ZFP3: variants seen among roughly 807,000 people sequenced by gnomAD.
ZFP3 encodes the protein ZFP3 zinc finger protein, also known as zinc finger protein 3 homolog.
In ZFP3, 18 loss-of-function variants were observed where a neutral mutation model predicts 36.7. The ratio of observed to expected loss-of-function variants is 0.49; its 90% CI spans 0.34 to 0.73. ZFP3 has a LOEUF of 0.73. Ranked by LOEUF, ZFP3 falls within the 30% of genes least tolerant of loss-of-function variation. The pLI is 0.01. For synonymous variants in ZFP3, 218 were observed against 199.0 expected, an observed-to-expected ratio of 1.10 and a Z score of -0.81; for missense variants, 495 against 599.0, an observed-to-expected ratio of 0.83 and a Z score of 1.81.
At chr17:5,091,060 C>G (rs2072147146) in intron 1 of ZFP3, among the ~76,000 whole-genome samples, 1 of 152,172 alleles carries the variant, frequency 6.6e-6, no homozygotes, top group African/African-American at 2.4e-5. Flanking sequence ...CAGGTTCTAA[C>G]CCAACTCACC....
chr17:5,086,114 C>T (rs1468669985), intron 1 of ZFP3, among the ~76,000 whole-genome samples: 1 of 152,208 alleles, frequency 6.6e-6, no homozygotes, highest in Admixed American at 6.5e-5. Flanking sequence ...TCTCTTACTT[C>T]ATGGGAAAAT....
chr17:5,082,956 G>C (rs2143520611), intron 1 of ZFP3, among the ~76,000 whole-genome samples: 1 of 152,342 alleles, frequency 6.6e-6, no homozygotes, highest in South Asian at 2.1e-4. Flanking sequence ...AGAGATTGCT[G>C]TAAATGCAGG....
intron 1 of ZFP3, among the ~76,000 whole-genome samples, chr17:5,083,414 A>G (rs1425192555): frequency 6.6e-6 from 1 of 152,020 alleles, no homozygotes; most frequent in Non-Finnish European, 1.5e-5. Flanking sequence ...AAAATTAGCC[A>G]GGCACGGTGG....
Position 5,078,984 on chromosome 17 carries a change from C to A in ZFP3, c.-9+409C>A, listed in dbSNP as rs548691660. On this transcript the variant is annotated intron_variant, in intron 1 of 1. Transcript: ENST00000318833. This position sits in a 1 kb window ranked among gnomAD's most constrained non-coding sequence, Gnocchi z 4.5. Reference sequence around the variant, plus strand: ...GCAGATTGTGCCCTGTGCTGCCAGACAAGATATTGGCTTATGAGGGGTGGT... The same window carrying A: ...GCAGATTGTGCCCTGTGCTGCCAGAAAAGATATTGGCTTATGAGGGGTGGT... Among the ~76,000 whole-genome samples the A allele has an allele frequency of 6.6e-6, 1 of 152,060 alleles. No homozygotes were observed. Among genetic ancestry groups the A allele is most frequent in the African/African-American group, 2.4e-5 (1 of 41,390 alleles).
At chr17:5,085,954 T>C (rs1418725957) in intron 1 of ZFP3, among the ~76,000 whole-genome samples, 1 of 152,156 alleles carries the variant, frequency 6.6e-6, no homozygotes, top group Non-Finnish European at 1.5e-5. Context: ...GAGAAATGTA[T>C]TTAAGACAGT....
rs533507273 is a variant in ZFP3, at chr17:5,078,718, TC to T, written c.-9+149del. On this transcript the variant is annotated intron_variant, in intron 1 of 1. Transcript: ENST00000318833. The surrounding 1 kb of genome is among the most constrained non-coding windows in gnomAD (Gnocchi z 4.5). ...CCTTGAAGTTTATGCCTCCCTCCATTCCCCCCGCCCCCAGGCCTTCATTTCC... is the reference window on the plus strand; with the variant it reads ...CCTTGAAGTTTATGCCTCCCTCCATTCCCCCGCCCCCAGGCCTTCATTTCC... The T allele has an allele frequency of 2.0e-5, 3 of 152,346 alleles. No homozygotes were observed. The highest frequency in any genetic ancestry group is 2.9e-5 in the Non-Finnish European group (2 of 68,480). 9.4% of individuals were successfully genotyped at this position (152,346 alleles called of 1,614,324 possible).
At chr17:5,084,773 G>C (rs1452298816) in intron 1 of ZFP3, among the ~76,000 whole-genome samples, 1 of 152,178 alleles carries the variant, frequency 6.6e-6, no homozygotes, top group African/African-American at 2.4e-5. Flanking sequence ...TTTAATTTCA[G>C]ATTTAGGAAA....
chr17:5,095,761 C>A lies in ZFP3; in HGVS notation c.*2748C>A, dbSNP rs2072177913. The A allele has an allele frequency of 6.0e-6, 1 of 165,786 alleles. No homozygotes were observed. Among genetic ancestry groups the A allele is most frequent in the Non-Finnish European group, 1.5e-5 (1 of 67,918 alleles). The allele number at this position is 165,786 out of a possible 1,614,324, so 10.3% of individuals were successfully genotyped here. A position where few individuals can be genotyped will look rare whatever the true frequency, so the allele number is the denominator to read the frequency against. On this transcript the variant is annotated 3_prime_UTR_variant, in exon 2 of 2. Transcript: ENST00000318833. ...TGCCTACTAGATATCCAATCCATCA[C>A]CTCGCCTCCCCTGGCCCTAGCTCAA...
chr17:5,082,552 GTCTCTTAT>G (rs2072099675), intron 1 of ZFP3, among the ~76,000 whole-genome samples: 1 of 152,014 alleles, frequency 6.6e-6, no homozygotes, highest in Non-Finnish European at 1.5e-5. Context: ...TTGAGACAGG[GTCTCTTAT>G]TCTGTCACCC....
rs1315121082 is a variant in ZFP3 at position 5,093,966 on chromosome 17, A to G, written c.*953A>G. 1 of 167,184 alleles carries G rather than the reference A, an allele frequency of 6.0e-6. No individual in the cohort carries two copies. The highest frequency in any genetic ancestry group is 2.4e-5 in the African/African-American group (1 of 41,472). 10.4% of individuals were successfully genotyped at this position (167,184 alleles called of 1,614,324 possible). A position where few individuals can be genotyped will look rare whatever the true frequency, so the allele number is the denominator to read the frequency against. On this transcript the variant is annotated 3_prime_UTR_variant, in exon 2 of 2. Coordinates refer to ENST00000318833, the MANE Select transcript of ZFP3 (RefSeq NM_153018.3). ...ACTGCTCCTAAGAATTCTGCTGCATATATTTTTAGCCCCATCTCCTGCCAC... is the reference window on the plus strand; with the variant it reads ...ACTGCTCCTAAGAATTCTGCTGCATGTATTTTTAGCCCCATCTCCTGCCAC...
chr17:5,090,577 T>C (rs1362332264), intron 1 of ZFP3, among the ~76,000 whole-genome samples: 1 of 152,214 alleles, frequency 6.6e-6, no homozygotes, highest in Non-Finnish European at 1.5e-5. Flanking sequence ...ATAGAGCTGA[T>C]GAGTACCAGA....
chr17:5,092,973 C>G lies in ZFP3; in HGVS notation c.1469C>G (p.Ser490Cys), dbSNP rs2072158723. 2 of 1,610,182 alleles carry G rather than the reference C, an allele frequency of 1.2e-6. No homozygotes were observed. The highest frequency in any genetic ancestry group is 8.5e-7 in the Non-Finnish European group (1 of 1,178,168). ...TGTCAGAAGACTTTTAGTCGGAGCT[C>G]TCACCTCCTCCGACATCAAAGTGTT... Reference protein sequence around the residue: ...QECQKTFSRSSHLLRHQSVHC... With the variant: ...QECQKTFSRSCHLLRHQSVHC... Residue 490 changes from serine to cysteine, a missense_variant, in exon 2 of 2, where the codon TCT (serine) becomes TGT (cysteine). This residue lies in a region of ZFP3 where 163 missense variants were observed against 178.4 expected (regional missense o/e 0.91). Coordinates refer to ENST00000318833, the MANE Select transcript of ZFP3 (RefSeq NM_153018.3). This position sits in a 1 kb window ranked among gnomAD's most constrained non-coding sequence, Gnocchi z 5.0.
Position 5,093,934 on chromosome 17 carries a change from C to T in ZFP3, c.*921C>T, listed in dbSNP as rs1402744716. 6.0e-6 allele frequency: 1 copy of T among 167,182 alleles called. No homozygotes were observed. The highest frequency in any genetic ancestry group is 1.5e-5 in the Non-Finnish European group (1 of 68,174). 10.4% of individuals were successfully genotyped at this position (167,182 alleles called of 1,614,324 possible). On this transcript the variant is annotated 3_prime_UTR_variant, in exon 2 of 2. Transcript: ENST00000318833. ...GAGCTGTCCACACTTCAGGGGTGCT[C>T]AGACTGACTGCTCCTAAGAATTCTG...
At chr17:5,079,312 A>G (rs1053703128) in intron 1 of ZFP3, among the ~76,000 whole-genome samples, 4 of 152,142 alleles carry the variant, frequency 2.6e-5, no homozygotes, top group African/African-American at 4.8e-5. Context: ...ACTTGAGCAC[A>G]GGAGTTCAAG....
At chr17:5,081,960 C>T (rs1316042025) in intron 1 of ZFP3, among the ~76,000 whole-genome samples, 2 of 148,752 alleles carry the variant, frequency 1.3e-5, no homozygotes, top group East Asian at 4.2e-4. Context: ...GCCTGTAATC[C>T]TAGCACTTTT....
chr17:5,088,361 A>C (rs1394317461), intron 1 of ZFP3, among the ~76,000 whole-genome samples: 4 of 152,038 alleles, frequency 2.6e-5, no homozygotes, highest in African/African-American at 9.7e-5. Flanking sequence ...GTATTTCCCC[A>C]GCCTGTCTCT....
In ZFP3 at chr17:5,092,924, G is replaced by C; in HGVS notation, c.1420G>C (p.Glu474Gln). 5 of 1,614,172 alleles carry C rather than the reference G, an allele frequency of 3.1e-6. No homozygotes were observed. Among genetic ancestry groups the C allele is most frequent in the Non-Finnish European group, 4.2e-6 (5 of 1,180,036 alleles). Residue 474 changes from glutamate (E) to glutamine (Q), a missense_variant, in exon 2 of 2, where the codon GAG becomes CAG. Physicochemically the swap from Glu to Gln is conservative, Grantham distance 29. Transcript: ENST00000318833. The surrounding 1 kb of genome is among the most constrained non-coding windows in gnomAD (Gnocchi z 5.0). ...CATACATCAGAGAATTCACACTGGA[G>C]AGAAGCCTTATGAGTGCCAAGAATG... ...LIIHQRIHTG[E>Q]KPYECQECQK...
rs776034828 is a variant in ZFP3, at chr17:5,092,994, G to A, written c.1490G>A (p.Ser497Asn). The change falls in exon 2 of 2, where the codon AGT becomes AAT. Residue 497 changes from serine to asparagine, a missense_variant. Coordinates refer to ENST00000318833, the MANE Select transcript of ZFP3 (RefSeq NM_153018.3). This position sits in a 1 kb window ranked among gnomAD's most constrained non-coding sequence, Gnocchi z 5.0. The part of the protein sequence containing the change: ...SRSSHLLRHQ[S>N]VHCME ...AGCTCTCACCTCCTCCGACATCAAAGTGTTCACTGTATGGAGTAATCTGCA... is the reference window on the plus strand; with the variant it reads ...AGCTCTCACCTCCTCCGACATCAAAATGTTCACTGTATGGAGTAATCTGCA... 6 of 1,602,816 alleles carry A rather than the reference G, an allele frequency of 3.7e-6. No individual in the cohort carries two copies. The East Asian group carries it at 8.9e-5, about 24-fold the overall frequency.
intron 1 of ZFP3, among the ~76,000 whole-genome samples, chr17:5,079,777 T>C (rs567418647): frequency 6.6e-6 from 1 of 152,252 alleles, no homozygotes; most frequent in Non-Finnish European, 1.5e-5. Context: ...TGATGGCTCA[T>C]GCCTGTAATC....
Sources: gnomAD v4.1 joint callset for allele counts (sites outside exome capture counted in the v4.1 genomes callset) on GRCh38, gnomAD v4.1.1 for gene constraint, gnomAD v4.1.1 regional missense constraint, Gnocchi (gnomAD v3.1) non-coding constraint, MANE v1.5 for transcripts, NCBI Gene and HGNC (gene_info 2026-07-23, HGNC 2026-07-21) for gene names.